MAST4: variants seen among roughly 807,000 people sequenced by gnomAD.
MAST4 encodes microtubule associated serine/threonine kinase family member 4.
MAST4 carries 89 observed loss-of-function variants against 162.7 expected under a neutral mutation model. That is an observed-to-expected ratio of 0.55 (90% CI 0.46 to 0.65). The LOEUF (loss-of-function observed/expected upper bound fraction) is 0.65. Ranked by LOEUF, MAST4 falls within the 30% of genes least tolerant of loss-of-function variation. The pLI is 0.00. For missense variants in MAST4, 3,153 were observed against 3,374.0 expected, an observed-to-expected ratio of 0.93 and a Z score of 1.62; for synonymous variants, 1,479 against 1,361.1, an observed-to-expected ratio of 1.09 and a Z score of -1.91.
intron 10 of MAST4, among the ~76,000 whole-genome samples, chr5:67,106,753 A>C (rs1182672646): frequency 6.6e-6 from 1 of 152,204 alleles, no homozygotes; most frequent in Non-Finnish European, 1.5e-5. Context: ...ATTTAGCCAT[A>C]ATGAATTGTA....
chr5:66,734,860 C>T (rs1226893062), intron 1 of MAST4, among the ~76,000 whole-genome samples: 1 of 152,222 alleles, frequency 6.6e-6, no homozygotes, highest in Non-Finnish European at 1.5e-5. Context: ...GCTGTCAGGA[C>T]TCCCCACCCC....
rs1773056700 is a variant in MAST4 at position 67,160,436 on chromosome 5, C to T, written c.3649-20C>T. On this transcript the variant is annotated intron_variant, in intron 26 of 28. Transcript: ENST00000403625. ...TTCATCACAGCATTTCCCTTTAATG[C>T]CACCTCATCTTTTCTTTAGAGTGGG... 5 of 1,594,376 alleles carry T rather than the reference C, an allele frequency of 3.1e-6. No homozygotes were observed. Among genetic ancestry groups the T allele is most frequent in the South Asian group, 1.1e-5 (1 of 87,064 alleles).
chr5:66,837,130 T>TGG (rs1758034298), intron 3 of MAST4, among the ~76,000 whole-genome samples: 1 of 151,876 alleles, frequency 6.6e-6, no homozygotes, highest in African/African-American at 2.4e-5. Context: ...CTCTACCTCT[T>TGG]ACTGCCTGAT....
intron 3 of MAST4, among the ~76,000 whole-genome samples, chr5:66,844,170 TG>T (rs1758638161): frequency 1.3e-5 from 2 of 149,626 alleles, no homozygotes; most frequent in African/African-American, 4.9e-5. Flanking sequence ...TGTGTGTGTG[TG>T]TGTGTGTGTG....
chr5:66,636,347 C>T (rs906241765), intron 1 of MAST4, among the ~76,000 whole-genome samples: 3 of 152,096 alleles, frequency 2.0e-5, no homozygotes, highest in African/African-American at 7.2e-5. Flanking sequence ...TAGGAGATGG[C>T]AATGTAACAA....
intron 5 of MAST4, among the ~76,000 whole-genome samples, chr5:67,078,784 A>G (rs1316971061): frequency 1.5e-5 from 2 of 130,656 alleles, no homozygotes; most frequent in Admixed American, 1.8e-4. Context: ...ATTTATTTAT[A>G]TTTATCTAAA....
chr5:66,822,247 C>T (rs900440594), intron 3 of MAST4, among the ~76,000 whole-genome samples: 2 of 152,148 alleles, frequency 1.3e-5, no homozygotes, highest in Admixed American at 6.5e-5. Context: ...TTCCTCCTTT[C>T]TTCCCAGAAC....
At position 67,142,463 on chromosome 5, in the gene MAST4, A is replaced by T; in HGVS notation, c.2660A>T (p.Asp887Val). Residue 887 changes from aspartate (D) to valine (V), a missense_variant, in exon 21 of 29, where the codon GAT (aspartate) becomes GTT (valine). By Grantham distance (152) the Asp-to-Val change is radical. Coordinates refer to ENST00000403625, the MANE Select transcript of MAST4 (RefSeq NM_001164664.2). Reference protein sequence around the residue: ...KYHHMETEEEDDTNDEDFNVE... With the variant: ...KYHHMETEEEVDTNDEDFNVE... ...CATCATATGGAAACGGAGGAAGAAG[A>T]TGACACAAATGATGAAGACTTTAAT... The T allele has an allele frequency of 6.2e-7, 1 of 1,600,936 alleles. No individual in the cohort carries two copies. The highest frequency in any genetic ancestry group is 8.5e-7 in the Non-Finnish European group (1 of 1,173,288).
chr5:66,654,641 G>A (rs1283062932), intron 1 of MAST4, among the ~76,000 whole-genome samples: 2 of 152,160 alleles, frequency 1.3e-5, no homozygotes, highest in African/African-American at 2.4e-5. Flanking sequence ...AAGTTTAGAG[G>A]AAAGAATAAT....
chr5:66,919,965 C>T lies in MAST4; in HGVS notation c.674+19983C>T, dbSNP rs1050449044. Among the ~76,000 whole-genome samples the T allele has an allele frequency of 5.9e-3, 242 of 40,918 alleles. 2 individuals are homozygous for T. In the Middle Eastern group the frequency reaches 0.062, roughly 11 times the overall value. 26.8% of individuals were successfully genotyped at this position (40,918 alleles called of 152,430 possible). On this transcript the variant is annotated intron_variant, in intron 4 of 28. Coordinates refer to ENST00000403625, the MANE Select transcript of MAST4 (RefSeq NM_001164664.2). ...CCTTCCTTCCTTCCTTCCTTCCTTC[C>T]TTCCTTCCTTCTTTCTCTCTCTCTC...
Position 67,165,894 on chromosome 5 carries a change from G to GGGAA in MAST4, c.6718_6721dup (p.Gly2241GlufsTer5). 1 of 1,613,364 alleles carries GGGAA rather than the reference G, an allele frequency of 6.2e-7. No homozygotes were observed. Among genetic ancestry groups the GGGAA allele is most frequent in the South Asian group, 1.1e-5 (1 of 91,082 alleles). ...GTCCCTCGGTGGCTCTAGCAGAGAG[G>GGGAA]GGAAGGGCCACAGTAAGAGTGGGCC... On this transcript the variant is annotated frameshift_variant, in exon 29 of 29. Transcript: ENST00000403625. LOFTEE classifies it low-confidence loss of function (END_TRUNC).
At chr5:66,671,880 A>G (rs1468997111) in intron 1 of MAST4, among the ~76,000 whole-genome samples, 1 of 152,086 alleles carries the variant, frequency 6.6e-6, no homozygotes, top group African/African-American at 2.4e-5. Context: ...GGTGAGCCCG[A>G]CCAACTTTAG....
intron 1 of MAST4, among the ~76,000 whole-genome samples, chr5:66,606,615 A>G (rs1742900854): frequency 6.6e-6 from 1 of 152,120 alleles, no homozygotes; most frequent in Non-Finnish European, 1.5e-5. Context: ...TGTTGTTAAT[A>G]TTTGTAGTAC....
Position 67,149,537 on chromosome 5 carries a change from G to A in MAST4, c.3243G>A (p.Gly1081=), listed in dbSNP as rs1771539518. 1.2e-6 allele frequency: 2 copies of A among 1,613,832 alleles called. No homozygotes were observed. The highest frequency in any genetic ancestry group is 1.7e-6 in the Non-Finnish European group (2 of 1,179,840). Residue 1081 remains glycine, a synonymous_variant, in exon 24 of 29, where the codon GGG becomes GGA. Coordinates refer to ENST00000403625, the MANE Select transcript of MAST4 (RefSeq NM_001164664.2). ...LESTEKKKIS[G]KVTKSLSASA... Reference sequence around the variant, plus strand: ...GCACAGAAAAAAAGAAAATCTCGGGGAAAGTCACAAAGTCCCTCTCTGCCA... The same window carrying A: ...GCACAGAAAAAAAGAAAATCTCGGGAAAAGTCACAAAGTCCCTCTCTGCCA...
chr5:66,833,004 G>A (rs1757719621), intron 3 of MAST4, among the ~76,000 whole-genome samples: 2 of 152,164 alleles, frequency 1.3e-5, no homozygotes. Context: ...TTCTGCCTCT[G>A]AAATAGATAT....
chr5:67,095,490 C>A, intron 6 of MAST4, 107 bp from the exon 7 acceptor site: 1 of 768,998 alleles, frequency 1.3e-6, no homozygotes, highest in Non-Finnish European at 2.1e-6. Flanking sequence ...CACATCCTCA[C>A]AGACTATGTT....
intron 4 of MAST4, among the ~76,000 whole-genome samples, chr5:67,040,256 C>G (rs1312778745): frequency 6.6e-6 from 1 of 151,852 alleles, no homozygotes; most frequent in African/African-American, 2.4e-5. Context: ...TTTTGAAATC[C>G]ACTAAAAAAC....
chr5:66,930,797 T>C, intron 4 of MAST4: 1 of 470,808 alleles, frequency 2.1e-6, no homozygotes, highest in Non-Finnish European at 4.4e-6. Context: ...GAAATAAGAA[T>C]GGGTGTGCCT....
intron 4 of MAST4, chr5:66,902,624 C>T (rs1463964754): frequency 4.5e-6 from 2 of 445,174 alleles, no homozygotes; most frequent in African/African-American, 4.1e-5. Context: ...TGAAGACTCT[C>T]TTGTTTTATA....
Sources: allele counts gnomAD v4.1 joint callset (sites outside exome capture counted in the v4.1 genomes callset), GRCh38; gene constraint gnomAD v4.1.1; transcripts MANE v1.5; gene names NCBI Gene and HGNC (gene_info 2026-07-23, HGNC 2026-07-21).